HDAC11: variants seen among roughly 807,000 people sequenced by gnomAD.
HDAC11 encodes the protein histone deacetylase 11.
HDAC11 carries 23 observed loss-of-function variants against 41.1 expected under a neutral mutation model. The ratio of observed to expected loss-of-function variants is 0.56; its 90% CI spans 0.40 to 0.79. The LOEUF is 0.79. HDAC11 is among the 30% of genes least tolerant of loss of function. HDAC11 has a pLI of 0.00. For missense variants in HDAC11, 402 were observed against 477.3 expected (o/e 0.84, Z 1.47); for synonymous variants, 187 against 186.6 (o/e 1.00, Z -0.02).
intron 2 of HDAC11, 39 bp downstream of exon 2, chr3:13,481,433 C>G (rs759963350): frequency 2.7e-5 from 44 of 1,608,142 alleles, no homozygotes; most frequent in Non-Finnish European, 3.7e-5. Flanking sequence ...CTGCTTCCTC[C>G]AACCCACCTG....
chr3:13,487,158 G>A (rs776491200), intron 3 of HDAC11, among the ~76,000 whole-genome samples: 2 of 152,142 alleles, frequency 1.3e-5, no homozygotes, highest in Admixed American at 6.5e-5. Context: ...TTGCTGCCCA[G>A]GTGGGACCCA....
intron 3 of HDAC11, among the ~76,000 whole-genome samples, chr3:13,490,741 T>TTC (rs1477843879): frequency 7.3e-6 from 1 of 137,896 alleles, no homozygotes; most frequent in African/African-American, 2.7e-5. Flanking sequence ...TTAGCATTTT[T>TTC]TTCTTTTTTT....
intron 2 of HDAC11, among the ~76,000 whole-genome samples, chr3:13,483,252 C>T (rs1429345981): frequency 1.3e-5 from 2 of 152,058 alleles, no homozygotes; most frequent in Non-Finnish European, 2.9e-5. Context: ...GCTGTGTGTA[C>T]GATGTTCATT....
chr3:13,484,267 T>A (rs944337154), intron 3 of HDAC11, among the ~76,000 whole-genome samples: 25 of 152,170 alleles, frequency 1.6e-4, no homozygotes, highest in Non-Finnish European at 2.6e-4. Context: ...CCCACCCTAT[T>A]TTTTATATTG....
At chr3:13,489,765 A>G (rs1574895941) in intron 3 of HDAC11, among the ~76,000 whole-genome samples, 1 of 151,944 alleles carries the variant, frequency 6.6e-6, no homozygotes, top group East Asian at 1.9e-4. Context: ...ATGGGGTTTC[A>G]CCATGTTGGC....
intron 5 of HDAC11, among the ~76,000 whole-genome samples, chr3:13,499,524 T>C (rs1279139217): frequency 6.6e-6 from 1 of 152,190 alleles, no homozygotes; most frequent in Non-Finnish European, 1.5e-5. Context: ...CCTGTCTCAC[T>C]GATGAGGAAA....
intron 6 of HDAC11, 103 bp downstream of exon 6, chr3:13,500,892 C>A: frequency 1.1e-6 from 1 of 904,158 alleles, no homozygotes; most frequent in Non-Finnish European, 1.6e-6. Context: ...GACAAGGGGC[C>A]TATGCTGGAG....
In HDAC11 at chr3:13,498,555, G is replaced by A. The variant is rs1392423803; in HGVS notation, c.412G>A (p.Gly138Arg). The A allele has an allele frequency of 6.2e-7, 1 of 1,613,908 alleles. No homozygotes were observed. Among genetic ancestry groups the A allele is most frequent in the East Asian group, 2.2e-5 (1 of 44,888 alleles). The change falls in exon 5 of 10, where the codon GGG becomes AGG. Residue 138 changes from glycine (G) to arginine (R), a missense_variant and splice_region_variant. Gly to Arg is a moderately radical substitution (Grantham distance 125). Coordinates refer to ENST00000295757, the MANE Select transcript of HDAC11 (RefSeq NM_024827.4). ...GGAGCGAGGCTGGGCCATCAACGTGGGTGAGTGCTGGGAATGTCCTCGGGA... is the reference window on the plus strand; with the variant it reads ...GGAGCGAGGCTGGGCCATCAACGTGAGTGAGTGCTGGGAATGTCCTCGGGA... ...AVERGWAINV[G>R]GGFHHCSSDR...
rs559502686 is a variant in HDAC11, at chr3:13,502,141, C to T, written c.552+208C>T. ...CATTGCTCCCGAGGGTCCTCCCTCC[C>T]TCCTCCTGACTGCCCCCACATGAGG... On this transcript the variant is annotated intron_variant, in intron 7 of 9. Transcript: ENST00000295757. This position sits in a 1 kb window ranked among gnomAD's most constrained non-coding sequence, Gnocchi z 4.1. The T allele has an allele frequency of 8.8e-6, 5 of 567,660 alleles. No individual in the cohort carries two copies. Among genetic ancestry groups the T allele is most frequent in the Non-Finnish European group, 1.3e-5 (4 of 318,620 alleles). 35.2% of individuals were successfully genotyped at this position (567,660 alleles called of 1,614,324 possible).
At chr3:13,500,338 G>A (rs371654277) in intron 5 of HDAC11, among the ~76,000 whole-genome samples, 14 of 152,120 alleles carry the variant, frequency 9.2e-5, no homozygotes, top group East Asian at 7.7e-4. Flanking sequence ...CTGACCACCC[G>A]CTTTGGCCAC....
intron 3 of HDAC11, among the ~76,000 whole-genome samples, chr3:13,483,904 C>A (rs1701439295): frequency 6.6e-6 from 1 of 152,046 alleles, no homozygotes; most frequent in Non-Finnish European, 1.5e-5. Flanking sequence ...TGTCCTCCAA[C>A]CATACATAGC....
At position 13,502,032 on chromosome 3, in the gene HDAC11, C is replaced by A; in HGVS notation, c.552+99C>A. 3.3e-6 allele frequency: 3 copies of A among 917,566 alleles called. No homozygotes were observed. Among genetic ancestry groups the A allele is most frequent in the South Asian group, 2.9e-5 (2 of 70,140 alleles). 56.8% of individuals were successfully genotyped at this position (917,566 alleles called of 1,614,324 possible). On this transcript the variant is annotated intron_variant, in intron 7 of 9. Transcript: ENST00000295757. This position sits in a 1 kb window ranked among gnomAD's most constrained non-coding sequence, Gnocchi z 4.1. Reference sequence around the variant, plus strand: ...AGTCTCCCTCCTCATGTCCCCACGGCTCTCACGGCTTCTGTCTTCTGTCTC... The same window carrying A: ...AGTCTCCCTCCTCATGTCCCCACGGATCTCACGGCTTCTGTCTTCTGTCTC...
chr3:13,500,729 C>T lies in HDAC11; in HGVS notation c.429C>T (p.His143=), dbSNP rs1214653911. 1.3e-6 allele frequency: 2 copies of T among 1,597,060 alleles called. No individual in the cohort carries two copies. Among genetic ancestry groups the T allele is most frequent in the East Asian group, 2.3e-5 (1 of 44,400 alleles). ...WAINVGGGFH[H]CSSDRGGGFC... ...CTTCCGCAGGGGGTGGCTTCCACCA[C>T]TGCTCCAGCGACCGTGGCGGGGGCT... The change falls in exon 6 of 10, where the codon CAC becomes CAT. Residue 143 remains histidine, a synonymous_variant. Coordinates refer to ENST00000295757, the MANE Select transcript of HDAC11 (RefSeq NM_024827.4).
At chr3:13,490,744 C>CTTTTTTTTTTTTTT (rs59531656) in intron 3 of HDAC11, among the ~76,000 whole-genome samples, 5 of 41,406 alleles carry the variant, frequency 1.2e-4, no homozygotes, top group African/African-American at 2.1e-4. Context: ...GCATTTTTTT[C>CTTTTTTTTTTTTTT]TTTTTTTTTT....
intron 3 of HDAC11, among the ~76,000 whole-genome samples, chr3:13,483,940 G>C (rs968945024): frequency 6.6e-6 from 1 of 151,988 alleles, no homozygotes; most frequent in Admixed American, 6.6e-5. Flanking sequence ...TATTTTGTTT[G>C]TTTGTTTGTT....
chr3:13,481,164 G>A (rs1159482441), intron 1 of HDAC11, 82 bp from the exon 2 acceptor site: 2 of 1,441,098 alleles, frequency 1.4e-6, no homozygotes, highest in Non-Finnish European at 1.9e-6. Context: ...ATGGCTGGTG[G>A]GTCAGTCCAG....
chr3:13,500,709 G>A lies in HDAC11; in HGVS notation c.413-4G>A, dbSNP rs371080961. 108 of 1,587,036 alleles carry A rather than the reference G, an allele frequency of 6.8e-5. No homozygotes were observed. Among genetic ancestry groups the A allele is most frequent in the Middle Eastern group, 1.8e-4 (1 of 5,550 alleles). On this transcript the variant is annotated splice_region_variant and splice_polypyrimidine_tract_variant and intron_variant, in intron 5 of 9. Coordinates refer to ENST00000295757, the MANE Select transcript of HDAC11 (RefSeq NM_024827.4). ...GAGCAGCACCGCTCTCTGCCCTTCC[G>A]CAGGGGGTGGCTTCCACCACTGCTC...
chr3:13,487,912 G>A (rs568700545), intron 3 of HDAC11, among the ~76,000 whole-genome samples: 117 of 152,126 alleles, frequency 7.7e-4, no homozygotes, highest in African/African-American at 2.7e-3. Flanking sequence ...GCAGAAAAGG[G>A]GTGGGGAGAG....
chr3:13,499,557 G>A (rs1702258213), intron 5 of HDAC11, among the ~76,000 whole-genome samples: 1 of 152,208 alleles, frequency 6.6e-6, no homozygotes, highest in Non-Finnish European at 1.5e-5. Context: ...GATGCGTACT[G>A]GATCGTGTAG....
Sources: allele counts gnomAD v4.1 joint callset (sites outside exome capture counted in the v4.1 genomes callset), GRCh38; gene constraint gnomAD v4.1.1; non-coding constraint Gnocchi (gnomAD v3.1); transcripts MANE v1.5; gene names NCBI Gene and HGNC (gene_info 2026-07-23, HGNC 2026-07-21).